Variants in IFT25 observed in about 807,000 individuals in gnomAD.
The protein encoded by IFT25 is intraflagellar transport 25, also known as intraflagellar transport protein 25 homolog.
At chr1:53,919,172 G>C in the IFT25 span, among the ~76,000 whole-genome samples, 1 of 152,042 alleles carries the variant, frequency 6.6e-6, no homozygotes, top group Non-Finnish European at 1.5e-5. Flanking sequence ...TCATGCCCTT[G>C]GGCAGGTACC....
chr1:53,921,752 C>T, the IFT25 span: 30 of 1,612,202 alleles, frequency 1.9e-5, no homozygotes, highest in Admixed American at 1.7e-4. Context: ...AAGTAAGTAG[C>T]GGAGCCATCA....
chr1:53,939,856 G>C, the IFT25 span: 1 of 634,798 alleles, frequency 1.6e-6, no homozygotes, highest in South Asian at 1.9e-5. Flanking sequence ...ACCAAAAGTG[G>C]ATATCAGGTA....
chr1:53,944,648 C>G, the IFT25 span, among the ~76,000 whole-genome samples: 1 of 152,130 alleles, frequency 6.6e-6, no homozygotes, highest in African/African-American at 2.4e-5. Context: ...CTCCAAAAAA[C>G]AAAACAAAGT....
chr1:53,944,492 A>T, the IFT25 span, among the ~76,000 whole-genome samples: 41 of 152,332 alleles, frequency 2.7e-4, no homozygotes, highest in Middle Eastern at 3.4e-3. Context: ...TAAAAATATA[A>T]AAATTAGCTG....
At chr1:53,941,078 T>C in the IFT25 span, among the ~76,000 whole-genome samples, 2 of 152,104 alleles carry the variant, frequency 1.3e-5, no homozygotes, top group Non-Finnish European at 2.9e-5. Context: ...CACTGCAACC[T>C]CTGCCTTCCG....
At chr1:53,920,020 A>G in the IFT25 span, among the ~76,000 whole-genome samples, 2 of 152,074 alleles carry the variant, frequency 1.3e-5, no homozygotes, top group African/African-American at 4.8e-5. Context: ...GCTGGTCTCG[A>G]ACTTCTGAGC....
At chr1:53,930,245 G>T in the IFT25 span, 4 of 1,103,230 alleles carry the variant, frequency 3.6e-6, no homozygotes, top group Non-Finnish European at 5.1e-6. Context: ...ATGACTACTG[G>T]ATTCTCACAT....
At chr1:53,921,857 A>T in the IFT25 span, 2 of 772,282 alleles carry the variant, frequency 2.6e-6, no homozygotes, top group South Asian at 2.9e-5. Flanking sequence ...TTGATGCAAG[A>T]GTAATATTCT....
the IFT25 span, among the ~76,000 whole-genome samples, chr1:53,914,208 T>C: frequency 6.6e-6 from 1 of 152,240 alleles, no homozygotes; most frequent in African/African-American, 2.4e-5. Context: ...TTCATAACCA[T>C]GACACGTTTA....
At chr1:53,933,349 T>C in the IFT25 span, among the ~76,000 whole-genome samples, 1 of 151,876 alleles carries the variant, frequency 6.6e-6, no homozygotes, top group Non-Finnish European at 1.5e-5. Flanking sequence ...TTAGCCAGGA[T>C]GGTCTCGATC....
chr1:53,914,206 C>T, the IFT25 span, among the ~76,000 whole-genome samples: 1 of 152,184 alleles, frequency 6.6e-6, no homozygotes, highest in African/African-American at 2.4e-5. Flanking sequence ...CTTTCATAAC[C>T]ATGACACGTT....
the IFT25 span, among the ~76,000 whole-genome samples, chr1:53,913,634 T>A: frequency 6.6e-6 from 1 of 152,286 alleles, no homozygotes; most frequent in East Asian, 1.9e-4. Context: ...TTTGGATGCT[T>A]TTTCACCTTC....
chr1:53,915,265 TGA>T, the IFT25 span, among the ~76,000 whole-genome samples: 1 of 152,086 alleles, frequency 6.6e-6, no homozygotes, highest in Admixed American at 6.6e-5. Context: ...TACATTCTAG[TGA>T]GAGAGATGAT....
the IFT25 span, chr1:53,921,573 C>A: frequency 1.2e-6 from 1 of 814,946 alleles, no homozygotes; most frequent in Non-Finnish European, 2.1e-6. Context: ...GATAAAAATC[C>A]TTTTAATAAA....
the IFT25 span, among the ~76,000 whole-genome samples, chr1:53,926,986 A>C: frequency 2.0e-5 from 3 of 151,966 alleles, no homozygotes; most frequent in Non-Finnish European, 4.4e-5. Flanking sequence ...CAGCCTCCCA[A>C]AGTGTTGGGA....
At chr1:53,922,767 A>T in the IFT25 span, among the ~76,000 whole-genome samples, 1 of 152,236 alleles carries the variant, frequency 6.6e-6, no homozygotes, top group African/African-American at 2.4e-5. Context: ...AATTGTACTT[A>T]CGAAGCCTGT....
the IFT25 span, among the ~76,000 whole-genome samples, chr1:53,919,741 C>T: frequency 6.6e-6 from 1 of 152,060 alleles, no homozygotes; most frequent in African/African-American, 2.4e-5. Flanking sequence ...AATGCTCATC[C>T]ACTGATTGTT....
At chr1:53,935,319 CAT>C in the IFT25 span, among the ~76,000 whole-genome samples, 11 of 152,156 alleles carry the variant, frequency 7.2e-5, no homozygotes, top group Non-Finnish European at 1.2e-4. Context: ...CAAAAGACCA[CAT>C]GTGTATGGTT....
At chr1:53,925,833 G>A in the IFT25 span, among the ~76,000 whole-genome samples, 1 of 151,370 alleles carries the variant, frequency 6.6e-6, no homozygotes, top group Non-Finnish European at 1.5e-5. Flanking sequence ...AGGTGTGGTG[G>A]CTCACTCCTA....
Sources: gnomAD v4.1 joint callset for allele counts (sites outside exome capture counted in the v4.1 genomes callset) on GRCh38, gnomAD v4.1.1 for gene constraint, MANE v1.5 for transcripts, NCBI Gene and HGNC (gene_info 2026-07-23, HGNC 2026-07-21) for gene names.